The following GLIS1 variants were observed in gnomAD, a reference collection of about 807,000 sequenced individuals.
The protein encoded by GLIS1 is zinc finger protein GLIS1.
Under a neutral mutation model 63.8 loss-of-function variants are expected in GLIS1, and 24 were observed. The observed-to-expected ratio is 0.38, with a 90% CI of 0.27 to 0.53. The LOEUF (loss-of-function observed/expected upper bound fraction) is 0.53. Ranked by LOEUF, GLIS1 falls within the 20% of genes least tolerant of loss-of-function variation. The pLI is 0.85. For missense variants in GLIS1, 1,036 were observed against 1,074.1 expected, an observed-to-expected ratio of 0.96 and a Z score of 0.50; for synonymous variants, 450 against 482.5, an observed-to-expected ratio of 0.93 and a Z score of 0.88.
intron 2 of GLIS1, among the ~76,000 whole-genome samples, chr1:53,693,824 G>T (rs116652617): frequency 6.6e-6 from 1 of 152,174 alleles, no homozygotes; most frequent in East Asian, 1.9e-4. Context: ...CCTTTTCATC[G>T]ATCGCTGCCT....
At chr1:53,734,035 G>A (rs1048169757) in intron 2 of GLIS1, 23 of 984,110 alleles carry the variant, frequency 2.3e-5, no homozygotes, top group African/African-American at 5.3e-5. Flanking sequence ...CCCCCACTCC[G>A]AGTCCATGCG....
At chr1:53,631,935 A>AGACAGGG (rs1645656249) in intron 2 of GLIS1, among the ~76,000 whole-genome samples, 2 of 151,852 alleles carry the variant, frequency 1.3e-5, no homozygotes, top group South Asian at 4.2e-4. Flanking sequence ...AAAAAAGGAG[A>AGACAGGG]GACAGGGGAA....
intron 2 of GLIS1, among the ~76,000 whole-genome samples, chr1:53,678,139 G>A (rs1646234039): frequency 6.6e-6 from 1 of 152,068 alleles, no homozygotes; most frequent in Non-Finnish European, 1.5e-5. Flanking sequence ...ATGCTCCTGA[G>A]GCAGTGGGCA....
At chr1:53,603,135 G>C (rs1645335432) in intron 2 of GLIS1, among the ~76,000 whole-genome samples, 1 of 152,104 alleles carries the variant, frequency 6.6e-6, no homozygotes, top group Non-Finnish European at 1.5e-5. Context: ...ACAGTAAAAG[G>C]TTTTCCTGCA....
At chr1:53,573,169 T>C (rs1437330843) in intron 4 of GLIS1, among the ~76,000 whole-genome samples, 1 of 152,226 alleles carries the variant, frequency 6.6e-6, no homozygotes, top group Non-Finnish European at 1.5e-5. Flanking sequence ...AGCGAATGTT[T>C]ACTGAGCTCA....
At chr1:53,673,156 A>G (rs541101311) in intron 2 of GLIS1, among the ~76,000 whole-genome samples, 2 of 152,084 alleles carry the variant, frequency 1.3e-5, no homozygotes, top group Non-Finnish European at 2.9e-5. Flanking sequence ...CCGAGCCCAC[A>G]CTCAGTTTAG....
chr1:53,573,277 A>G (rs1043962262), intron 4 of GLIS1, among the ~76,000 whole-genome samples: 1 of 152,068 alleles, frequency 6.6e-6, no homozygotes, highest in Non-Finnish European at 1.5e-5. Context: ...TAGAAAGTCC[A>G]TCCTGGTACA....
chr1:53,553,856 C>A (rs372149266), intron 4 of GLIS1, among the ~76,000 whole-genome samples: 4 of 152,132 alleles, frequency 2.6e-5, no homozygotes, highest in African/African-American at 9.7e-5. Flanking sequence ...TGGAGCAGAA[C>A]GGGCAGGTGG....
At chr1:53,614,393 G>T (rs1645457150) in intron 2 of GLIS1, among the ~76,000 whole-genome samples, 1 of 152,178 alleles carries the variant, frequency 6.6e-6, no homozygotes, top group South Asian at 2.1e-4. Flanking sequence ...AAGCAGCAGG[G>T]TACAAAGGAC....
At position 53,529,859 on chromosome 1, in the gene GLIS1, G is replaced by C. The variant is rs61745596; in HGVS notation, c.1414C>G (p.Pro472Ala). 2.3e-5 allele frequency: 37 copies of C among 1,613,814 alleles called. No homozygotes were observed. The highest frequency in any genetic ancestry group is 3.1e-5 in the Non-Finnish European group (37 of 1,180,000). Reference sequence around the variant, plus strand: ...TTGCTGAAGGCCTTCTGGCAACCCGGGTGCTGGCACAGGTACGGCTTCTCG... The same window carrying C: ...TTGCTGAAGGCCTTCTGGCAACCCGCGTGCTGGCACAGGTACGGCTTCTCG... ...TGEKPYLCQH[P>A]GCQKAFSNSS... is the part of the protein sequence containing the mutation. The change falls in exon 5 of 11, where the codon CCG becomes GCG. Residue 472 changes from proline to alanine, a missense_variant. This residue lies in a region of GLIS1 where 44 missense variants were observed against 79.3 expected (regional missense o/e 0.55). Coordinates refer to ENST00000628545, the MANE Select transcript of GLIS1 (RefSeq NM_001367484.1).
chr1:53,538,242 C>T (rs545526703), intron 4 of GLIS1, among the ~76,000 whole-genome samples: 21 of 152,086 alleles, frequency 1.4e-4, no homozygotes, highest in Non-Finnish European at 2.9e-4. Flanking sequence ...GACCCGGGCT[C>T]TTTGATTTGG....
At chr1:53,687,791 G>A (rs962205503) in intron 2 of GLIS1, among the ~76,000 whole-genome samples, 1 of 152,146 alleles carries the variant, frequency 6.6e-6, no homozygotes, top group African/African-American at 2.4e-5. Context: ...GGTGTTCTCT[G>A]CCCCAGGCCC....
chr1:53,685,099 G>A (rs1188746708), intron 2 of GLIS1, among the ~76,000 whole-genome samples: 1 of 152,106 alleles, frequency 6.6e-6, no homozygotes, highest in African/African-American at 2.4e-5. Flanking sequence ...AAGAGGGTGG[G>A]GAGGCATTTC....
intron 2 of GLIS1, among the ~76,000 whole-genome samples, chr1:53,725,634 T>C (rs1450343270): frequency 6.6e-6 from 1 of 152,214 alleles, no homozygotes; most frequent in Non-Finnish European, 1.5e-5. Context: ...GCTCCATCTG[T>C]TGGTTCTCCA....
At chr1:53,648,737 T>C (rs913116137) in intron 2 of GLIS1, among the ~76,000 whole-genome samples, 11 of 151,650 alleles carry the variant, frequency 7.3e-5, no homozygotes, top group African/African-American at 2.7e-4. Context: ...CACGAGAGAG[T>C]ATGTACTGTA....
rs1453936085 is a variant in GLIS1 at position 53,547,470 on chromosome 1, T to A, written c.1321-17518A>T. Among the ~76,000 whole-genome samples the A allele has an allele frequency of 3.9e-5, 6 of 152,194 alleles. No homozygotes were observed. The East Asian group carries it at 1.2e-3, about 29-fold the overall frequency. On this transcript the variant is annotated intron_variant, in intron 4 of 10. Coordinates refer to ENST00000628545, the MANE Select transcript of GLIS1 (RefSeq NM_001367484.1). ...GAACCTGCCTGAGCTCTACTGTACT[T>A]CTCACTGCTGGCTCCTGCCTTTGAT...
chr1:53,650,757 G>A (rs779386818), intron 2 of GLIS1, among the ~76,000 whole-genome samples: 1 of 152,284 alleles, frequency 6.6e-6, no homozygotes, highest in Non-Finnish European at 1.5e-5. Flanking sequence ...AAGAGATGGC[G>A]GAAGGAACGA....
At chr1:53,603,293 A>G (rs2100555150) in intron 2 of GLIS1, among the ~76,000 whole-genome samples, 1 of 152,214 alleles carries the variant, frequency 6.6e-6, no homozygotes, top group South Asian at 2.1e-4. Context: ...CAACCTCCCA[A>G]CTTTGCAGAG....
intron 4 of GLIS1, among the ~76,000 whole-genome samples, chr1:53,567,369 A>G (rs879329182): frequency 3.3e-5 from 5 of 152,216 alleles, no homozygotes; most frequent in African/African-American, 7.2e-5. Context: ...AGTCATATGT[A>G]TTTACAAAGA....
Sources: gnomAD v4.1 joint callset for allele counts (sites outside exome capture counted in the v4.1 genomes callset) on GRCh38, gnomAD v4.1.1 for gene constraint, gnomAD v4.1.1 regional missense constraint, MANE v1.5 for transcripts, NCBI Gene and HGNC (gene_info 2026-07-23, HGNC 2026-07-21) for gene names.